The following PLEKHM3 variants were observed in gnomAD, a reference collection of about 807,000 sequenced individuals.
The protein encoded by PLEKHM3 is pleckstrin homology domain-containing family M member 3.
Under a neutral mutation model 81.8 loss-of-function variants are expected in PLEKHM3, and 45 were observed. That is an observed-to-expected ratio of 0.55 (90% CI 0.43 to 0.71). PLEKHM3 has a LOEUF of 0.71. Ranked by LOEUF, PLEKHM3 falls within the 30% of genes least tolerant of loss-of-function variation. The probability of loss-of-function intolerance (pLI) is 0.00; values close to 1 mark genes in which losing one functional copy is unlikely to be tolerated. For synonymous variants in PLEKHM3, 352 were observed against 356.4 expected (o/e 0.99, Z 0.14); for missense variants, 788 against 924.3 (o/e 0.85, Z 1.91).
intron 6 of PLEKHM3, among the ~76,000 whole-genome samples, chr2:207,882,838 A>AT (rs1006048141): frequency 6.6e-6 from 1 of 151,348 alleles, no homozygotes; most frequent in Admixed American, 6.6e-5. Context: ...TTTTTTTTTA[A>AT]TTTTTTTTCC....
At chr2:207,991,673 G>A (rs1307266275) in intron 2 of PLEKHM3, among the ~76,000 whole-genome samples, 1 of 152,134 alleles carries the variant, frequency 6.6e-6, no homozygotes, top group Non-Finnish European at 1.5e-5. Context: ...TTAAGAAAAT[G>A]ATCCTAACAC....
chr2:207,880,806 CAAAA>C (rs1249539669), intron 6 of PLEKHM3, among the ~76,000 whole-genome samples: 2 of 55,322 alleles, frequency 3.6e-5, no homozygotes, highest in Admixed American at 1.9e-4. Flanking sequence ...AACAAACAAA[CAAAA>C]AAAAACAAAA....
intron 3 of PLEKHM3, among the ~76,000 whole-genome samples, chr2:207,975,305 C>T (rs559916363): frequency 2.6e-5 from 4 of 152,208 alleles, no homozygotes; most frequent in South Asian, 4.1e-4. Flanking sequence ...AAGTTCAAAA[C>T]GTGGGTTTTC....
chr2:207,852,737 G>C (rs1199394899), intron 7 of PLEKHM3: 1 of 413,778 alleles, frequency 2.4e-6, no homozygotes, highest in South Asian at 1.8e-5. Flanking sequence ...CTTCCTTTGG[G>C]TACCCTGTTC....
chr2:207,846,231 C>T (rs936037283), intron 7 of PLEKHM3, among the ~76,000 whole-genome samples: 6 of 152,102 alleles, frequency 3.9e-5, no homozygotes. Flanking sequence ...CAACTTCCGC[C>T]TCCTGGGTTT....
At chr2:208,020,144 T>C (rs1298093893) in intron 1 of PLEKHM3, among the ~76,000 whole-genome samples, 1 of 152,232 alleles carries the variant, frequency 6.6e-6, no homozygotes, top group Non-Finnish European at 1.5e-5. Context: ...ATTTCCCAGT[T>C]ACGTAAGTAT....
intron 3 of PLEKHM3, among the ~76,000 whole-genome samples, chr2:207,969,001 T>C (rs1452105402): frequency 6.6e-6 from 1 of 152,204 alleles, no homozygotes; most frequent in Non-Finnish European, 1.5e-5. Context: ...CCTTATTACT[T>C]CTAAGTGGGA....
chr2:207,944,560 G>A (rs768306855), intron 4 of PLEKHM3, among the ~76,000 whole-genome samples: 3 of 152,138 alleles, frequency 2.0e-5, no homozygotes, highest in Non-Finnish European at 4.4e-5. Context: ...AGAAGATAAT[G>A]GCACTTCACA....
At chr2:207,943,266 T>C (rs921417737) in intron 4 of PLEKHM3, among the ~76,000 whole-genome samples, 2 of 152,230 alleles carry the variant, frequency 1.3e-5, no homozygotes, top group African/African-American at 4.8e-5. Flanking sequence ...AGTATGTATG[T>C]ATCAAAATAT....
chr2:208,024,158 A>AAAAT (rs1693229174), intron 1 of PLEKHM3, among the ~76,000 whole-genome samples: 1 of 147,584 alleles, frequency 6.8e-6, no homozygotes, highest in African/African-American at 2.6e-5. Context: ...AAAATAAAAT[A>AAAAT]AAATAAAATA....
chr2:207,949,612 C>T (rs920076457), intron 3 of PLEKHM3, among the ~76,000 whole-genome samples: 6 of 152,156 alleles, frequency 3.9e-5, no homozygotes, highest in African/African-American at 1.2e-4. Flanking sequence ...TTAATATATC[C>T]TAGACAGTGG....
chr2:207,986,306 T>C (rs544700803), intron 2 of PLEKHM3, among the ~76,000 whole-genome samples: 219 of 152,330 alleles, frequency 1.4e-3, no homozygotes, highest in Middle Eastern at 3.4e-3. Flanking sequence ...CTCGTAAGAC[T>C]GCAGTATAAC....
At chr2:207,865,801 A>ATATATATATATATATATATAT (rs1192139812) in intron 6 of PLEKHM3, among the ~76,000 whole-genome samples, 1 of 25,300 alleles carries the variant, frequency 4.0e-5, no homozygotes, top group African/African-American at 2.1e-4. Flanking sequence ...AAAAAAAAAA[A>ATATATATATATATATATATAT]AGATATATAT....
Position 207,977,423 on chromosome 2 carries a change from C to G in PLEKHM3, c.774G>C (p.Gln258His). Residue 258 changes from glutamine to histidine, a missense_variant, in exon 3 of 8, where the codon CAG becomes CAC. By Grantham distance (24) the Gln-to-His change is conservative. Transcript: ENST00000427836. ...CAGATATGCTCTGGAAGTGTGAAAG[C>G]TGGTACGTGGCATAAAGGTTTTGAT... ...SGNQNLYATY[Q>H]LSHFQSISVL... The G allele has an allele frequency of 6.2e-7, 1 of 1,614,200 alleles. No homozygotes were observed. The highest frequency in any genetic ancestry group is 8.5e-7 in the Non-Finnish European group (1 of 1,180,044).
chr2:207,847,104 T>A (rs2092387847), intron 7 of PLEKHM3, among the ~76,000 whole-genome samples: 1 of 152,232 alleles, frequency 6.6e-6, no homozygotes, highest in African/African-American at 2.4e-5. Flanking sequence ...TGGTAAGAAA[T>A]GTGTCTAGGT....
Position 207,931,067 on chromosome 2 carries a change from A to G in PLEKHM3, c.1745T>C (p.Ile582Thr). The change falls in exon 5 of 8, where the codon ATC (isoleucine) becomes ACC (threonine). Residue 582 changes from isoleucine to threonine, a missense_variant. By Grantham distance (89) the Ile-to-Thr change is moderately conservative. Transcript: ENST00000427836. Reference sequence around the variant, plus strand: ...CATGGCGTTCTCCTGCTGGATGTCGATGAGCGGCTCTTCGTACACGTACTC... The same window carrying G: ...CATGGCGTTCTCCTGCTGGATGTCGGTGAGCGGCTCTTCGTACACGTACTC... ...FLEYVYEEPL[I>T]DIQQENAMLY... The G allele has an allele frequency of 6.2e-7, 1 of 1,614,032 alleles. No individual in the cohort carries two copies. The highest frequency in any genetic ancestry group is 8.5e-7 in the Non-Finnish European group (1 of 1,179,936).
chr2:207,928,140 C>G (rs1689468324), intron 5 of PLEKHM3, among the ~76,000 whole-genome samples: 1 of 152,094 alleles, frequency 6.6e-6, no homozygotes. Flanking sequence ...ATTTTAACAA[C>G]ATGTAAGTAT....
At chr2:207,841,103 G>A (rs947269301) in intron 7 of PLEKHM3, among the ~76,000 whole-genome samples, 47 of 151,538 alleles carry the variant, frequency 3.1e-4, no homozygotes, top group Non-Finnish European at 1.0e-4. Flanking sequence ...ACAGACGCCC[G>A]GACAACTCTT....
At chr2:207,992,881 A>G (rs1321738025) in intron 2 of PLEKHM3, among the ~76,000 whole-genome samples, 1 of 152,202 alleles carries the variant, frequency 6.6e-6, no homozygotes, top group African/African-American at 2.4e-5. Context: ...AAGGCCCAGG[A>G]GCTTGAAAGC....
Sources: allele counts gnomAD v4.1 joint callset (sites outside exome capture counted in the v4.1 genomes callset), GRCh38; gene constraint gnomAD v4.1.1; transcripts MANE v1.5; gene names NCBI Gene and HGNC (gene_info 2026-07-23, HGNC 2026-07-21).